Variants in EPHA4 observed in about 807,000 individuals in gnomAD.
EPHA4 encodes the protein EPH receptor A4.
A neutral mutation model predicts 108.3 loss-of-function variants in EPHA4; 19 were observed. That is an observed-to-expected ratio of 0.18 (90% CI 0.12 to 0.26). The LOEUF (loss-of-function observed/expected upper bound fraction) is 0.26. EPHA4 is among the 10% of genes least tolerant of loss of function. The pLI is 1.00. For synonymous variants in EPHA4, 449 were observed against 455.5 expected (o/e 0.99, Z 0.18); for missense variants, 917 against 1,254.0 (o/e 0.73, Z 4.06).
intron 3 of EPHA4, among the ~76,000 whole-genome samples, chr2:221,551,982 T>C (rs752203277): frequency 3.5e-4 from 54 of 152,120 alleles, no homozygotes; most frequent in Non-Finnish European, 5.0e-4. Context: ...TACTTTCAAC[T>C]GCACTTCTTT....
chr2:221,460,136 C>T (rs998500066), intron 5 of EPHA4, among the ~76,000 whole-genome samples: 6 of 152,110 alleles, frequency 3.9e-5, no homozygotes, highest in African/African-American at 9.7e-5. Flanking sequence ...AATATAATCA[C>T]GTTAACTCAT....
At chr2:221,448,030 C>T (rs574944164) in intron 8 of EPHA4, among the ~76,000 whole-genome samples, 3 of 151,944 alleles carry the variant, frequency 2.0e-5, no homozygotes, top group African/African-American at 7.2e-5. Flanking sequence ...TTAGTAGAGC[C>T]AGGGTTTCAC....
At chr2:221,527,386 C>T (rs1693368914) in intron 3 of EPHA4, among the ~76,000 whole-genome samples, 1 of 152,138 alleles carries the variant, frequency 6.6e-6, no homozygotes, top group South Asian at 2.1e-4. Context: ...AAATAGAAAA[C>T]TAAAGAGGTA....
At chr2:221,435,054 G>A (rs181672528) in intron 13 of EPHA4, among the ~76,000 whole-genome samples, 1 of 152,206 alleles carries the variant, frequency 6.6e-6, no homozygotes, top group East Asian at 1.9e-4. Context: ...GTTCCACCTG[G>A]GGAAATTAAT....
intron 3 of EPHA4, among the ~76,000 whole-genome samples, chr2:221,525,940 A>T (rs964403305): frequency 6.6e-6 from 1 of 152,066 alleles, no homozygotes; most frequent in African/African-American, 2.4e-5. Context: ...TTTTCTAGAT[A>T]AAAAAAATTG....
chr2:221,446,197 T>TA lies in EPHA4; in HGVS notation c.1716-17dup, dbSNP rs763580252. On this transcript the variant is annotated splice_polypyrimidine_tract_variant and intron_variant, in intron 8 of 17. Coordinates refer to ENST00000281821, the MANE Select transcript of EPHA4 (RefSeq NM_004438.5). ...TTTACTCCGTCTATTAAAATTTTTT[T>TA]AAAAAAGAGAATTATTTTCCTCAAA... is the stretch of plus-strand genomic sequence containing the variant. 2 of 1,466,676 alleles carry TA rather than the reference T, an allele frequency of 1.4e-6. No individual in the cohort carries two copies. Among genetic ancestry groups the TA allele is most frequent in the Non-Finnish European group, 1.8e-6 (2 of 1,099,954 alleles). 90.9% of individuals were successfully genotyped at this position (1,466,676 alleles called of 1,614,324 possible).
At chr2:221,469,006 C>T (rs1013812458) in intron 5 of EPHA4, among the ~76,000 whole-genome samples, 7 of 152,300 alleles carry the variant, frequency 4.6e-5, no homozygotes, top group Admixed American at 4.6e-4. Flanking sequence ...CAGAAAACAT[C>T]AATGGGCAAA....
chr2:221,545,234 TCG>T (rs1693957388), intron 3 of EPHA4, among the ~76,000 whole-genome samples: 1 of 23,122 alleles, frequency 4.3e-5, no homozygotes, highest in Non-Finnish European at 8.5e-5. Context: ...GATCACGAGG[TCG>T]AGGTGGGCGG....
chr2:221,545,161 G>A (rs780307355), intron 3 of EPHA4, among the ~76,000 whole-genome samples: 2 of 152,168 alleles, frequency 1.3e-5, no homozygotes, highest in Non-Finnish European at 1.5e-5. Context: ...CAAATAAAAA[G>A]GTATGGCCGG....
chr2:221,552,733 C>T lies in EPHA4; in HGVS notation c.823+10998G>A, dbSNP rs1694199453. Among the ~76,000 whole-genome samples the T allele has an allele frequency of 4.6e-5, 7 of 152,146 alleles. 1 individual carries two copies. Among genetic ancestry groups the T allele is most frequent in the Admixed American group, 3.3e-4 (5 of 15,274 alleles). On this transcript the variant is annotated intron_variant, in intron 3 of 17. Coordinates refer to ENST00000281821, the MANE Select transcript of EPHA4 (RefSeq NM_004438.5). ...TGCAAAGCAAGAGAGGTTGGCCAAA[C>T]ACAAACAGGATAGCTAATATGTAGA...
chr2:221,567,810 C>A (rs1215546894), intron 2 of EPHA4, among the ~76,000 whole-genome samples: 3 of 152,174 alleles, frequency 2.0e-5, no homozygotes, highest in Non-Finnish European at 4.4e-5. Context: ...GTAAAAACTC[C>A]TAATCTTTCA....
intron 11 of EPHA4, among the ~76,000 whole-genome samples, chr2:221,437,897 TGGG>T (rs57723177): frequency 0.86 from 130,467 of 151,720 alleles, 56,236 homozygotes; most frequent in East Asian, 1. Context: ...CACTCCAGCC[TGGG>T]GGGCGACGAT....
chr2:221,518,800 C>T (rs188533358), intron 3 of EPHA4, among the ~76,000 whole-genome samples: 1 of 152,090 alleles, frequency 6.6e-6, no homozygotes, highest in Non-Finnish European at 1.5e-5. Context: ...AATCCTAACA[C>T]GGGTAAGCAA....
At chr2:221,572,406 A>G, upstream of EPHA4, 2 of 448,604 alleles carry the variant, frequency 4.5e-6, no homozygotes, top group Admixed American at 1.1e-4. Context: ...CGGCGCAGAC[A>G]GGGCGGCCGA....
At chr2:221,517,105 A>G (rs980830137) in intron 3 of EPHA4, among the ~76,000 whole-genome samples, 1 of 152,164 alleles carries the variant, frequency 6.6e-6, no homozygotes, top group African/African-American at 2.4e-5. Context: ...CACATATTCT[A>G]CTGGCAGGGA....
chr2:221,500,729 A>G (rs1426265976), intron 4 of EPHA4, among the ~76,000 whole-genome samples: 2 of 152,196 alleles, frequency 1.3e-5, no homozygotes, highest in African/African-American at 4.8e-5. Flanking sequence ...AAAGCCACTA[A>G]TAAATTCCAA....
intron 5 of EPHA4, among the ~76,000 whole-genome samples, chr2:221,465,017 A>G (rs1432330103): frequency 6.6e-6 from 1 of 152,168 alleles, no homozygotes; most frequent in Non-Finnish European, 1.5e-5. Flanking sequence ...CATATTTATT[A>G]AGCTTAAATT....
chr2:221,459,454 A>C (rs1691073782), intron 5 of EPHA4, among the ~76,000 whole-genome samples: 1 of 152,102 alleles, frequency 6.6e-6, no homozygotes, highest in Non-Finnish European at 1.5e-5. Flanking sequence ...CCAGTGAACA[A>C]AGCTGCATGC....
rs75236953 is a variant in EPHA4, at chr2:221,461,475, T to C, written c.1319-3485A>G. Among the ~76,000 whole-genome samples the C allele has an allele frequency of 6.4e-3, 980 of 152,178 alleles. 14 individuals carry two copies. Among genetic ancestry groups the C allele is most frequent in the African/African-American group, 0.022 (916 of 41,510 alleles). ...AAGTTCAAAAGAGAGTTTCTAATCA[T>C]AGTAGAAAATTTGGTCAGCATAAAA... On this transcript the variant is annotated intron_variant, in intron 5 of 17. Coordinates refer to ENST00000281821, the MANE Select transcript of EPHA4 (RefSeq NM_004438.5).
Sources: allele counts gnomAD v4.1 joint callset (sites outside exome capture counted in the v4.1 genomes callset), GRCh38; gene constraint gnomAD v4.1.1; transcripts MANE v1.5; gene names NCBI Gene and HGNC (gene_info 2026-07-23, HGNC 2026-07-21).